The following DPP6 variants were observed in gnomAD, a reference collection of about 807,000 sequenced individuals.
The protein encoded by DPP6 is A-type potassium channel modulatory protein DPP6.
Under a neutral mutation model 122.6 loss-of-function variants are expected in DPP6, and 69 were observed. The observed-to-expected ratio is 0.56, with a 90% CI of 0.46 to 0.69. DPP6 has a LOEUF of 0.69. Among genes scored for constraint, DPP6 ranks in the 30% least tolerant of loss-of-function variants. The pLI is 0.00. For synonymous variants in DPP6, 418 were observed against 433.1 expected, an observed-to-expected ratio of 0.97 and a Z score of 0.43; for missense variants, 928 against 1,116.9, an observed-to-expected ratio of 0.83 and a Z score of 2.41.
chr7:154,509,226 A>G (rs112314569), intron 3 of DPP6, among the ~76,000 whole-genome samples: 1,526 of 152,338 alleles, frequency 0.01, 13 homozygotes, highest in Non-Finnish European at 0.016. Context: ...ATTTACAAAT[A>G]ATTTACCTGT....
chr7:154,876,142 G>C, intron 20 of DPP6, 42 bp downstream of exon 20: 1 of 1,517,826 alleles, frequency 6.6e-7, no homozygotes, highest in Non-Finnish European at 8.8e-7. Context: ...GGGAGGGGAC[G>C]GGGCTCCTCA....
chr7:154,376,097 C>A (rs1049318143), intron 1 of DPP6, among the ~76,000 whole-genome samples: 2 of 152,200 alleles, frequency 1.3e-5, no homozygotes, highest in African/African-American at 4.8e-5. Context: ...AGACAGCACA[C>A]GGTGAGAGGC....
intron 7 of DPP6, among the ~76,000 whole-genome samples, chr7:154,712,494 G>T (rs1427482020): frequency 6.6e-6 from 1 of 152,172 alleles, no homozygotes; most frequent in Non-Finnish European, 1.5e-5. Flanking sequence ...CTGCTATGAA[G>T]AAATACCCAA....
rs776651721 is a variant in DPP6, at chr7:154,889,353, T to C, written c.2377+9T>C. 9 of 1,612,018 alleles carry C rather than the reference T, an allele frequency of 5.6e-6. No homozygotes were observed. Among genetic ancestry groups the C allele is most frequent in the Non-Finnish European group, 2.5e-6 (3 of 1,179,460 alleles). On this transcript the variant is annotated intron_variant, in intron 24 of 25. Transcript: ENST00000377770. ...TCATCCCACTGCCGATGGTAAGGAC[T>C]GAAAACATGAATTCACTGTGTATCT...
intron 5 of DPP6, among the ~76,000 whole-genome samples, chr7:154,582,186 G>C (rs1254916120): frequency 6.6e-6 from 1 of 152,230 alleles, no homozygotes; most frequent in Non-Finnish European, 1.5e-5. Context: ...AGGTTTCATT[G>C]AGTGCAGATG....
chr7:153,808,444 TG>T, the DPP6 span, among the ~76,000 whole-genome samples: 1 of 151,754 alleles, frequency 6.6e-6, no homozygotes, highest in African/African-American at 2.4e-5. Context: ...TGTGTGTGCG[TG>T]TGTGTGTGTA....
chr7:154,311,329 G>GA (rs1458405880), intron 1 of DPP6, among the ~76,000 whole-genome samples: 4 of 151,924 alleles, frequency 2.6e-5, no homozygotes, highest in Non-Finnish European at 4.4e-5. Flanking sequence ...CCCATGTCTA[G>GA]AAAAAATAGA....
chr7:153,759,163 A>C, the DPP6 span, among the ~76,000 whole-genome samples: 2 of 152,126 alleles, frequency 1.3e-5, no homozygotes, highest in African/African-American at 4.8e-5. Flanking sequence ...ATTTCCATCC[A>C]CATATCCTCT....
At chr7:154,262,496 C>T (rs1369595897) in intron 1 of DPP6, among the ~76,000 whole-genome samples, 1 of 152,052 alleles carries the variant, frequency 6.6e-6, no homozygotes, top group Non-Finnish European at 1.5e-5. Context: ...GGGAGAGAGG[C>T]CTCAGAGGAA....
intron 12 of DPP6, among the ~76,000 whole-genome samples, chr7:154,797,655 C>G (rs1316839339): frequency 1.3e-5 from 2 of 152,098 alleles, no homozygotes; most frequent in Non-Finnish European, 2.9e-5. Flanking sequence ...TGGAGAGGAA[C>G]AGCTTAATGA....
chr7:154,484,741 G>T (rs1220404293), intron 3 of DPP6, among the ~76,000 whole-genome samples: 1 of 152,242 alleles, frequency 6.6e-6, no homozygotes, highest in African/African-American at 2.4e-5. Context: ...CCACTTGTTA[G>T]CAGAGAGCCC....
intron 1 of DPP6, among the ~76,000 whole-genome samples, chr7:154,287,221 A>C (rs1273060704): frequency 1.3e-5 from 2 of 152,242 alleles, no homozygotes; most frequent in African/African-American, 4.8e-5. Context: ...CTCACTTAGA[A>C]GGGGAAACGT....
the DPP6 span, among the ~76,000 whole-genome samples, chr7:153,866,631 TG>T: frequency 6.6e-6 from 1 of 152,206 alleles, no homozygotes; most frequent in Non-Finnish European, 1.5e-5. Flanking sequence ...TTTCTTTTGC[TG>T]TGCAGAAGCT....
intron 9 of DPP6, among the ~76,000 whole-genome samples, chr7:154,770,759 G>A (rs1359043633): frequency 3.3e-5 from 5 of 152,340 alleles, no homozygotes; most frequent in South Asian, 2.1e-4. Context: ...ATATTGGGGG[G>A]AACAGGGATA....
intron 1 of DPP6, among the ~76,000 whole-genome samples, chr7:154,250,798 C>T (rs1001962202): frequency 1.3e-5 from 2 of 151,838 alleles, no homozygotes; most frequent in African/African-American, 2.4e-5. Context: ...TTGAAGGCAT[C>T]GTGCTGGGGG....
intron 1 of DPP6, among the ~76,000 whole-genome samples, chr7:154,327,618 G>A (rs1026137242): frequency 1.3e-5 from 2 of 152,158 alleles, no homozygotes; most frequent in African/African-American, 4.8e-5. Flanking sequence ...AGGCCGTTGT[G>A]AAATTTCCTT....
intron 1 of DPP6, among the ~76,000 whole-genome samples, chr7:154,396,139 T>G (rs1815065851): frequency 6.6e-6 from 1 of 152,212 alleles, no homozygotes; most frequent in Admixed American, 6.5e-5. Flanking sequence ...AAATAAAAAT[T>G]ATAACAATGA....
At position 153,948,900 on chromosome 7, in the gene DPP6, T is replaced by C. The variant is rs532543592; in HGVS notation, c.51+61166T>C. On this transcript the variant is annotated intron_variant, in intron 1 of 25. Coordinates refer to the DPP6 transcript ENST00000404039. ...AGTTATTCTGATTCACATTTAAGGA[T>C]TGACATTACTTCAAGCAAAATTGGG... Among the ~76,000 whole-genome samples the C allele has an allele frequency of 6.0e-5, 9 of 151,030 alleles. 1 individual carries two copies. In the South Asian group the frequency reaches 1.5e-3, roughly 25 times the overall value.
At chr7:154,753,913 C>T (rs992702698) in intron 8 of DPP6, among the ~76,000 whole-genome samples, 2 of 152,202 alleles carry the variant, frequency 1.3e-5, no homozygotes, top group African/African-American at 4.8e-5. Flanking sequence ...GGTCAGGACA[C>T]ACCTGCACAA....
Sources: gnomAD v4.1 joint callset for allele counts (sites outside exome capture counted in the v4.1 genomes callset) on GRCh38, gnomAD v4.1.1 for gene constraint, MANE v1.5 for transcripts, NCBI Gene and HGNC (gene_info 2026-07-23, HGNC 2026-07-21) for gene names.